The following RBFOX3 variants were observed in gnomAD, a reference collection of about 807,000 sequenced individuals.
RBFOX3 encodes RNA binding protein fox-1 homolog 3.
In RBFOX3, 17 loss-of-function variants were observed where a neutral mutation model predicts 48.7. The observed-to-expected ratio is 0.35, with a 90% CI of 0.24 to 0.52. The LOEUF (loss-of-function observed/expected upper bound fraction) is 0.52. Ranked by LOEUF, RBFOX3 falls within the 20% of genes least tolerant of loss-of-function variation. The probability of loss-of-function intolerance (pLI) is 0.94; values close to 1 mark genes in which losing one functional copy is unlikely to be tolerated. For missense variants in RBFOX3, 382 were observed against 497.5 expected (o/e 0.77, Z 2.21); for synonymous variants, 212 against 209.5 (o/e 1.01, Z -0.10).
At chr17:79,262,153 G>C (rs1009651349) in intron 3 of RBFOX3, among the ~76,000 whole-genome samples, 2 of 152,236 alleles carry the variant, frequency 1.3e-5, no homozygotes, top group South Asian at 4.1e-4. Flanking sequence ...AAAGCCTCTC[G>C]TGGCCACAGC....
intron 1 of RBFOX3, among the ~76,000 whole-genome samples, chr17:79,498,485 CCAT>C (rs1568347318): frequency 8.9e-6 from 1 of 112,366 alleles, no homozygotes; most frequent in Non-Finnish European, 1.9e-5. Context: ...ATCCATCCAT[CCAT>C]AAGCCTACCC....
intron 2 of RBFOX3, among the ~76,000 whole-genome samples, chr17:79,378,875 G>A (rs1161867141): frequency 6.6e-6 from 1 of 152,220 alleles, no homozygotes. Context: ...CGCACAGTGG[G>A]TACAGGGGTG....
At chr17:79,490,608 C>T (rs1382077574) in intron 1 of RBFOX3, among the ~76,000 whole-genome samples, 6 of 152,150 alleles carry the variant, frequency 3.9e-5, no homozygotes, top group African/African-American at 1.4e-4. Flanking sequence ...TTTCCAGTTT[C>T]TGGCCCTTCC....
intron 4 of RBFOX3, among the ~76,000 whole-genome samples, chr17:79,157,851 G>A (rs116694095): frequency 2.3e-3 from 354 of 152,274 alleles, no homozygotes; most frequent in African/African-American, 8.0e-3. Context: ...TATGGTCACC[G>A]CACGTCTGGA....
At chr17:79,448,155 T>C (rs531459309) in intron 2 of RBFOX3, among the ~76,000 whole-genome samples, 2 of 152,274 alleles carry the variant, frequency 1.3e-5, no homozygotes, top group South Asian at 4.1e-4. Context: ...CAGGTAGTTT[T>C]TGATAACAGT....
intron 3 of RBFOX3, among the ~76,000 whole-genome samples, chr17:79,256,149 C>T (rs536935758): frequency 6.6e-6 from 1 of 152,060 alleles, no homozygotes; most frequent in East Asian, 2.0e-4. Flanking sequence ...GGTGTGCACC[C>T]CCGCCTTGCT....
At chr17:79,161,988 G>A (rs894969569) in intron 4 of RBFOX3, among the ~76,000 whole-genome samples, 39 of 152,316 alleles carry the variant, frequency 2.6e-4, no homozygotes, top group African/African-American at 6.7e-4. Flanking sequence ...TTGGGGGACA[G>A]GGATGGGAGG....
At chr17:79,334,349 G>A (rs985163926) in intron 2 of RBFOX3, among the ~76,000 whole-genome samples, 10 of 152,150 alleles carry the variant, frequency 6.6e-5, no homozygotes, top group African/African-American at 2.4e-4. Context: ...ACAACAAAGT[G>A]GAATCATGGT....
intron 4 of RBFOX3, among the ~76,000 whole-genome samples, chr17:79,131,232 ACT>A (rs1312591241): frequency 2.0e-5 from 3 of 151,712 alleles, no homozygotes; most frequent in Non-Finnish European, 4.4e-5. Context: ...CCCTGCGTGT[ACT>A]GTGTGCTCTG....
At chr17:79,412,404 G>A (rs953206909) in intron 2 of RBFOX3, among the ~76,000 whole-genome samples, 3 of 151,496 alleles carry the variant, frequency 2.0e-5, no homozygotes, top group Non-Finnish European at 2.9e-5. Flanking sequence ...TGGTATGGGT[G>A]TGAGTGAATG....
chr17:79,142,926 G>C (rs8081390), intron 4 of RBFOX3, among the ~76,000 whole-genome samples: 1 of 151,560 alleles, frequency 6.6e-6, no homozygotes, highest in Non-Finnish European at 1.5e-5. Flanking sequence ...ACCCATGCAC[G>C]TGGCCCTGCC....
At chr17:79,438,926 G>T (rs992087352) in intron 2 of RBFOX3, among the ~76,000 whole-genome samples, 2 of 152,222 alleles carry the variant, frequency 1.3e-5, no homozygotes, top group Admixed American at 6.5e-5. Context: ...ATTTTGGTCT[G>T]TCCATACATG....
chr17:79,435,411 A>C lies in RBFOX3; in HGVS notation c.-175+47043T>G, dbSNP rs997466140. Among the ~76,000 whole-genome samples, 7 of 152,354 alleles carry C rather than the reference A, an allele frequency of 4.6e-5. No individual in the cohort carries two copies. The East Asian group carries it at 1.3e-3, about 29-fold the overall frequency. ...GGCTGTCCACAGGCTGCCAGAGCTG[A>C]TTCCAACACAGGCTTGTCCCCATGC... On this transcript the variant is annotated intron_variant, in intron 2 of 14. Coordinates refer to ENST00000693108, the MANE Select transcript of RBFOX3 (RefSeq NM_001350451.2).
intron 1 of RBFOX3, among the ~76,000 whole-genome samples, chr17:79,519,801 G>T (rs2085791625): frequency 6.6e-6 from 1 of 152,154 alleles, no homozygotes; most frequent in South Asian, 2.1e-4. Flanking sequence ...TGGACACCAG[G>T]GCGGGGGTGA....
At chr17:79,369,338 G>C (rs1245845264) in intron 2 of RBFOX3, among the ~76,000 whole-genome samples, 1 of 151,294 alleles carries the variant, frequency 6.6e-6, no homozygotes, top group East Asian at 1.9e-4. Context: ...CCCGGGGAGG[G>C]GCTGATGGGG....
At chr17:79,159,837 G>C (rs150865474) in intron 4 of RBFOX3, among the ~76,000 whole-genome samples, 1 of 152,194 alleles carries the variant, frequency 6.6e-6, no homozygotes, top group Non-Finnish European at 1.5e-5. Flanking sequence ...GGAGGGTGAG[G>C]ACAGGTCGCT....
chr17:79,349,440 A>G (rs2083473994), intron 2 of RBFOX3, among the ~76,000 whole-genome samples: 1 of 150,376 alleles, frequency 6.6e-6, no homozygotes, highest in Non-Finnish European at 1.5e-5. Flanking sequence ...TCTCCTCCTC[A>G]CTTCTCCCAC....
At chr17:79,115,075 C>T (rs2033467858) in intron 5 of RBFOX3, among the ~76,000 whole-genome samples, 1 of 152,198 alleles carries the variant, frequency 6.6e-6, no homozygotes, top group Admixed American at 6.5e-5. Flanking sequence ...GGCCCTGGGC[C>T]ACCTCCACGG....
chr17:79,259,716 G>C (rs2148439863), intron 3 of RBFOX3, among the ~76,000 whole-genome samples: 1 of 152,236 alleles, frequency 6.6e-6, no homozygotes, highest in South Asian at 2.1e-4. Context: ...CGTTCCCCGG[G>C]AGCCAGGAGA....
Sources: gnomAD v4.1 joint callset for allele counts (sites outside exome capture counted in the v4.1 genomes callset) on GRCh38, gnomAD v4.1.1 for gene constraint, MANE v1.5 for transcripts, NCBI Gene and HGNC (gene_info 2026-07-23, HGNC 2026-07-21) for gene names.